Variants in VPS13B observed in about 807,000 individuals in gnomAD.
The protein encoded by VPS13B is intermembrane lipid transfer protein VPS13B.
VPS13B carries 285 observed loss-of-function variants against 426.4 expected under a neutral mutation model. The ratio of observed to expected loss-of-function variants is 0.67; its 90% CI spans 0.61 to 0.74. The LOEUF is 0.74. VPS13B is among the 30% of genes least tolerant of loss of function. The pLI, the probability that VPS13B is intolerant of heterozygous loss-of-function variation, is 0.00. For missense variants in VPS13B, 4,537 were observed against 4,782.6 expected (o/e 0.95, Z 1.51); for synonymous variants, 1,676 against 1,676.4 (o/e 1.00, Z 0.01).
intron 3 of VPS13B, among the ~76,000 whole-genome samples, chr8:99,078,021 TTTTG>T (rs1447099733): frequency 2.0e-5 from 3 of 152,050 alleles, no homozygotes; most frequent in Admixed American, 6.6e-5. Context: ...AGTTATGGGA[TTTTG>T]TTTGGTTGTT....
At chr8:99,065,325 G>A (rs190751005) in intron 3 of VPS13B, among the ~76,000 whole-genome samples, 8 of 152,244 alleles carry the variant, frequency 5.3e-5, no homozygotes, top group Admixed American at 4.6e-4. Flanking sequence ...CGATCAAGTC[G>A]GCTTCATCCC....
intron 19 of VPS13B, chr8:99,341,793 C>A: frequency 3.0e-6 from 1 of 334,436 alleles, no homozygotes. Context: ...CCCACCAGAG[C>A]CCACGTGGCA....
intron 51 of VPS13B, among the ~76,000 whole-genome samples, chr8:99,829,662 G>A (rs1814931685): frequency 6.6e-6 from 1 of 152,204 alleles, no homozygotes; most frequent in South Asian, 2.1e-4. Context: ...TGATCCTTTG[G>A]AGGAGAAGAG....
rs1355735381 is a variant in VPS13B, at chr8:99,718,974, T to C, written c.6658-1371T>C. Among the ~76,000 whole-genome samples, 3 of 152,296 alleles carry C rather than the reference T, an allele frequency of 2.0e-5. No individual in the cohort carries two copies. In the East Asian group the frequency reaches 5.8e-4, roughly 29 times the overall value. On this transcript the variant is annotated intron_variant, in intron 37 of 61. Transcript: ENST00000357162. ...CAATTTTTTGTATTTATCTAAAAGT[T>C]GTATTGCCTCAAGTTTTCACCAGTT...
At chr8:99,032,025 A>G (rs1456655568) in intron 2 of VPS13B, among the ~76,000 whole-genome samples, 2 of 152,186 alleles carry the variant, frequency 1.3e-5, no homozygotes, top group East Asian at 3.8e-4. Flanking sequence ...GCTTGTGAGG[A>G]CTGTGGAACT....
At chr8:99,416,765 C>T (rs1438425833) in intron 21 of VPS13B, among the ~76,000 whole-genome samples, 4 of 152,090 alleles carry the variant, frequency 2.6e-5, no homozygotes, top group African/African-American at 7.2e-5. Context: ...CTAACCAGTC[C>T]CAGTGAGATG....
intron 19 of VPS13B, among the ~76,000 whole-genome samples, chr8:99,374,625 G>A (rs1231250618): frequency 3.9e-5 from 6 of 152,060 alleles, no homozygotes; most frequent in Non-Finnish European, 7.4e-5. Flanking sequence ...AGAGAATGGA[G>A]CCTATGATAA....
At chr8:99,812,882 A>G (rs1353461450) in intron 44 of VPS13B, among the ~76,000 whole-genome samples, 1 of 152,198 alleles carries the variant, frequency 6.6e-6, no homozygotes, top group Non-Finnish European at 1.5e-5. Flanking sequence ...AAACCTGCTA[A>G]GTAAAATCAT....
At chr8:99,201,676 T>C (rs1254661630) in intron 17 of VPS13B, among the ~76,000 whole-genome samples, 1 of 152,158 alleles carries the variant, frequency 6.6e-6, no homozygotes, top group Non-Finnish European at 1.5e-5. Flanking sequence ...TAAAAGTATA[T>C]TAAAATAAAA....
intron 44 of VPS13B, among the ~76,000 whole-genome samples, chr8:99,812,744 T>C (rs932397382): frequency 6.6e-6 from 1 of 152,228 alleles, no homozygotes; most frequent in African/African-American, 2.4e-5. Flanking sequence ...CATGTATGTA[T>C]GTATAATGGT....
intron 23 of VPS13B, 142 bp from the exon 24 acceptor site, chr8:99,467,272 C>T (rs1370798276): frequency 9.5e-6 from 8 of 839,852 alleles, no homozygotes; most frequent in East Asian, 2.6e-5. Flanking sequence ...TGTTTAGCAC[C>T]GTGGTCTCAG....
chr8:99,082,373 G>A (rs962005305), intron 3 of VPS13B, among the ~76,000 whole-genome samples: 7 of 152,104 alleles, frequency 4.6e-5, no homozygotes, highest in African/African-American at 7.2e-5. Flanking sequence ...CCCTTTGTCC[G>A]ATGAGTAAAT....
intron 17 of VPS13B, among the ~76,000 whole-genome samples, chr8:99,270,131 C>CTGTTTTTTTTTT (rs1818502435): frequency 6.6e-5 from 2 of 30,312 alleles, no homozygotes; most frequent in East Asian, 1.2e-3. Context: ...ATATAAGAAT[C>CTGTTTTTTTTTT]TTTTTTTTTT....
At chr8:99,573,405 T>C (rs1270851390) in intron 31 of VPS13B, among the ~76,000 whole-genome samples, 1 of 152,202 alleles carries the variant, frequency 6.6e-6, no homozygotes, top group South Asian at 2.1e-4. Flanking sequence ...ATTGCCTAGG[T>C]TTTCTTCTAG....
At chr8:99,539,632 G>A (rs1012679352) in intron 30 of VPS13B, among the ~76,000 whole-genome samples, 8 of 151,990 alleles carry the variant, frequency 5.3e-5, no homozygotes, top group African/African-American at 1.9e-4. Flanking sequence ...CAGCTACTTG[G>A]GAGGCTGAGG....
At chr8:99,041,519 A>G (rs1048132428) in intron 3 of VPS13B, among the ~76,000 whole-genome samples, 1 of 152,176 alleles carries the variant, frequency 6.6e-6, no homozygotes, top group Non-Finnish European at 1.5e-5. Flanking sequence ...TTGCTATACA[A>G]TTTAAAAAAT....
At chr8:99,040,844 C>T (rs1181230693) in intron 3 of VPS13B, among the ~76,000 whole-genome samples, 3 of 152,020 alleles carry the variant, frequency 2.0e-5, no homozygotes, top group African/African-American at 4.8e-5. Flanking sequence ...GAATATGAGG[C>T]TTAAATCAGA....
chr8:99,210,611 A>G (rs1253935291), intron 17 of VPS13B, among the ~76,000 whole-genome samples: 1 of 152,036 alleles, frequency 6.6e-6, no homozygotes, highest in Admixed American at 6.6e-5. Context: ...AAATATATAT[A>G]TATATATTTT....
At chr8:99,204,339 A>G (rs772096655) in intron 17 of VPS13B, among the ~76,000 whole-genome samples, 4 of 152,234 alleles carry the variant, frequency 2.6e-5, no homozygotes, top group Admixed American at 6.5e-5. Context: ...CATTCCTTAC[A>G]TCTTATACAA....
Sources: gnomAD v4.1 joint callset for allele counts (sites outside exome capture counted in the v4.1 genomes callset) on GRCh38, gnomAD v4.1.1 for gene constraint, MANE v1.5 for transcripts, NCBI Gene and HGNC (gene_info 2026-07-23, HGNC 2026-07-21) for gene names.